Variants in MBD6 observed in about 807,000 individuals in gnomAD.
MBD6 encodes methyl-CpG binding domain protein 6.
MBD6 carries 22 observed loss-of-function variants against 66.8 expected under a neutral mutation model. The observed-to-expected ratio is 0.33, with a 90% CI of 0.24 to 0.47. The LOEUF (loss-of-function observed/expected upper bound fraction) is 0.47. Among genes scored for constraint, MBD6 ranks in the 20% least tolerant of loss-of-function variants. The probability of loss-of-function intolerance (pLI) is 1.00; values close to 1 mark genes in which losing one functional copy is unlikely to be tolerated. For synonymous variants in MBD6, 540 were observed against 534.6 expected (o/e 1.01, Z -0.14); for missense variants, 1,322 against 1,286.9 (o/e 1.03, Z -0.42).
rs763951115 is a variant in MBD6, at chr12:57,525,973, A to G, written c.1005A>G (p.Leu335=). 1.9e-6 allele frequency: 3 copies of G among 1,594,308 alleles called. No homozygotes were observed. Among genetic ancestry groups the G allele is most frequent in the African/African-American group, 1.5e-5 (1 of 68,438 alleles). ...CGGCCAAGGCACAGCATCCCCCACTACCCCCTCCCAGCACTTTACAGGGCC... is the reference window on the plus strand; with the variant it reads ...CGGCCAAGGCACAGCATCCCCCACTGCCCCCTCCCAGCACTTTACAGGGCC... ...SAAAKAQHPP[L]PPPSTLQGRR... is the part of the protein sequence containing the mutation. Residue 335 remains leucine, a synonymous_variant, in exon 6 of 13, where the codon CTA becomes CTG. Coordinates refer to ENST00000355673, the MANE Select transcript of MBD6 (RefSeq NM_052897.4).
downstream of MBD6, chr12:57,530,914 C>T: frequency 1.3e-6 from 1 of 742,554 alleles, no homozygotes; most frequent in Admixed American, 2.4e-5. Flanking sequence ...GTTTATAGCA[C>T]CAATTTTCAA....
chr12:57,528,784 G>C, intron 11 of MBD6, 66 bp downstream of exon 11: 3 of 1,607,290 alleles, frequency 1.9e-6, no homozygotes, highest in Non-Finnish European at 2.6e-6. Flanking sequence ...CAGTTCTAAT[G>C]TCCAAATAGT....
upstream of MBD6, chr12:57,520,753 T>A: frequency 7.3e-6 from 1 of 136,516 alleles, no homozygotes; most frequent in Non-Finnish European, 1.5e-5. Flanking sequence ...GGTGGGTGAG[T>A]CATGCGCGCG....
chr12:57,530,675 G>T (rs774665454), downstream of MBD6: 1 of 1,610,570 alleles, frequency 6.2e-7, no homozygotes, highest in Non-Finnish European at 8.5e-7. Context: ...CTGTTCTCCA[G>T]CTCCCAAATG....
rs1565671545 is a variant in MBD6 at position 57,529,049 on chromosome 12, G to GC, written c.2937+40_2937+41insC. ...GGGTGGATGGGTGGATGGGTAGGGT[G>GC]TAAGGGATGAGGCGGCAGGAGGAAA... On this transcript the variant is annotated intron_variant, in intron 12 of 12. Coordinates refer to ENST00000355673, the MANE Select transcript of MBD6 (RefSeq NM_052897.4). The GC allele has an allele frequency of 3.7e-6, 6 of 1,613,766 alleles. No homozygotes were observed. The Admixed American group carries it at 1.0e-4, about 27-fold the overall frequency.
rs1879023684 is a variant in MBD6, at chr12:57,526,962, C to T, written c.1817C>T (p.Pro606Leu). Reference protein sequence around the residue: ...SLLVASLLPPPPSDLLPPPSA... With the variant: ...SLLVASLLPPLPSDLLPPPSA... Reference sequence around the variant, plus strand: ...TTGGTGGCTTCCTTGCTTCCTCCACCACCCTCAGACCTTCTTCCACCTCCT... The same window carrying T: ...TTGGTGGCTTCCTTGCTTCCTCCACTACCCTCAGACCTTCTTCCACCTCCT... Residue 606 changes from proline to leucine, a missense_variant, in exon 7 of 13, where the codon CCA becomes CTA. By Grantham distance (98) the Pro-to-Leu change is moderately conservative (BLOSUM62 -3). Transcript: ENST00000355673. 4 of 1,613,720 alleles carry T rather than the reference C, an allele frequency of 2.5e-6. No homozygotes were observed. Among genetic ancestry groups the T allele is most frequent in the African/African-American group, 1.3e-5 (1 of 74,900 alleles).
Position 57,527,813 on chromosome 12 carries a change from C to T in MBD6, c.2237-35C>T, listed in dbSNP as rs377169068. ...GGTCTGCTCAGCCTAATTGGTTTGC[C>T]TAGGGAGAGACCCCTGACTATAATT... On this transcript the variant is annotated intron_variant, in intron 8 of 12. Transcript: ENST00000355673. 1.1e-5 allele frequency: 18 copies of T among 1,607,880 alleles called. No homozygotes were observed. In the African/African-American group the frequency reaches 1.7e-4, roughly 16 times the overall value.
At chr12:57,530,170 T>G (rs1879512070), downstream of MBD6, 1 of 152,560 alleles carries the variant, frequency 6.6e-6, no homozygotes, top group Non-Finnish European at 1.5e-5. Context: ...GTACTCATTT[T>G]TTATTTAGTT....
At chr12:57,521,322 G>C (rs989364113), upstream of MBD6, 6 of 152,386 alleles carry the variant, frequency 3.9e-5, no homozygotes, top group African/African-American at 1.4e-4. Flanking sequence ...AATTAGCCGG[G>C]TGTGGTGATG....
At chr12:57,523,817 C>T (rs952894126) in intron 1 of MBD6, among the ~76,000 whole-genome samples, 7 of 152,172 alleles carry the variant, frequency 4.6e-5, no homozygotes, top group Admixed American at 2.0e-4. Context: ...GCTAGACTTT[C>T]TTGGTCCCAG....
rs747931343 is a variant in MBD6 at position 57,528,296 on chromosome 12, G to C, written c.2556G>C (p.Arg852Ser). Residue 852 changes from arginine to serine, a missense_variant, in exon 10 of 13, where the codon AGG (arginine) becomes AGC (serine). Coordinates refer to ENST00000355673, the MANE Select transcript of MBD6 (RefSeq NM_052897.4). ...CAGTCCCTGAGCTGCTCACTGGGAGGGGGTCAGGGAAACGGGGCCGGAGGG... is the reference window on the plus strand; with the variant it reads ...CAGTCCCTGAGCTGCTCACTGGGAGCGGGTCAGGGAAACGGGGCCGGAGGG... The part of the protein sequence containing the change: ...DPPVPELLTG[R>S]GSGKRGRRGG... The C allele has an allele frequency of 6.9e-5, 111 of 1,606,154 alleles. No homozygotes were observed. The highest frequency in any genetic ancestry group is 9.4e-5 in the Non-Finnish European group (110 of 1,175,916).
chr12:57,527,084 G>A lies in MBD6; in HGVS notation c.1939G>A (p.Gly647Ser), dbSNP rs1879035919. 1.9e-6 allele frequency: 3 copies of A among 1,598,772 alleles called. No individual in the cohort carries two copies. Among genetic ancestry groups the A allele is most frequent in the Admixed American group, 1.7e-5 (1 of 58,520 alleles). The change falls in exon 7 of 13, where the codon GGT (glycine) becomes AGT (serine). Residue 647 changes from glycine (G) to serine (S), a missense_variant. Transcript: ENST00000355673. ...GGAGGGATCTGCAGAGGGAGCCGGGGGTCCAAGTGGGGAGCCATTTTCAGG... is the reference window on the plus strand; with the variant it reads ...GGAGGGATCTGCAGAGGGAGCCGGGAGTCCAAGTGGGGAGCCATTTTCAGG... ...DGEGSAEGAGGPSGEPFSGLG... is the reference protein window; with the variant it reads ...DGEGSAEGAGSPSGEPFSGLG...
At chr12:57,522,749 T>G (rs879421414), upstream of MBD6, 1,328 of 66,040 alleles carry the variant, frequency 0.02, 7 homozygotes, top group Middle Eastern at 0.065. Flanking sequence ...CGGCGGCGGC[T>G]GCGGCAGCGA....
chr12:57,528,591 A>G (rs1377757066), intron 10 of MBD6, 31 bp downstream of exon 10: 1 of 1,612,072 alleles, frequency 6.2e-7, no homozygotes, highest in Non-Finnish European at 8.5e-7. Flanking sequence ...GTCTGGGCTC[A>G]GGGGCTCTGA....
rs1350105557 is a variant in MBD6 at position 57,524,334 on chromosome 12, G to T, written c.31G>T (p.Asp11Tyr). 6.3e-7 allele frequency: 1 copy of T among 1,584,776 alleles called. No homozygotes were observed. The highest frequency in any genetic ancestry group is 1.9e-5 in the Admixed American group (1 of 52,884). The change falls in exon 3 of 13, where the codon GAC (aspartate) becomes TAC (tyrosine). Residue 11 changes from aspartate to tyrosine, a missense_variant. Physicochemically the swap from Asp to Tyr is radical, Grantham distance 160. Coordinates refer to ENST00000355673, the MANE Select transcript of MBD6 (RefSeq NM_052897.4). MNGGNESSGA[D>Y]RAGGPVATSV... ...TGGGGGCAATGAGAGCAGTGGAGCA[G>T]ACAGAGCTGGGGGCCCTGTGGCCAC... is the stretch of plus-strand genomic sequence containing the variant.
upstream of MBD6, chr12:57,522,768 G>GCGGCGGCGGCGC (rs1238931452): frequency 2.5e-5 from 4 of 158,282 alleles, no homozygotes; most frequent in African/African-American, 4.9e-5. Flanking sequence ...GACGGCGGCG[G>GCGGCGGCGGCGC]CGGCAGCGGC....
At chr12:57,528,817 A>AT in intron 11 of MBD6, 99 bp downstream of exon 11, 1 of 1,597,600 alleles carries the variant, frequency 6.3e-7, no homozygotes, top group African/African-American at 1.3e-5. Flanking sequence ...AAAAGGGCAG[A>AT]TTCTTATTTG....
chr12:57,521,884 G>T (rs1878366712), upstream of MBD6: 1 of 152,184 alleles, frequency 6.6e-6, no homozygotes, highest in African/African-American at 2.4e-5. Flanking sequence ...GGAGACCGGA[G>T]CCGCGATTTT....
In MBD6 at chr12:57,526,283, C is replaced by T; in HGVS notation, c.1315C>T (p.Leu439Phe). 1 of 1,613,976 alleles carries T rather than the reference C, an allele frequency of 6.2e-7. No individual in the cohort carries two copies. The highest frequency in any genetic ancestry group is 8.5e-7 in the Non-Finnish European group (1 of 1,179,996). ...TAACCTTTTGGGGTCAGATGCACAC[C>T]TTCCTCCTCCCCCAACCCTCTCCTC... Reference protein sequence around the residue: ...SFNLLGSDAHLPPPPTLSSGS... With the variant: ...SFNLLGSDAHFPPPPTLSSGS... Residue 439 changes from leucine (L) to phenylalanine (F), a missense_variant, in exon 6 of 13, where the codon CTT becomes TTT. Leu to Phe is a conservative substitution (Grantham distance 22). Transcript: ENST00000355673.
Sources: allele counts gnomAD v4.1 joint callset (sites outside exome capture counted in the v4.1 genomes callset), GRCh38; gene constraint gnomAD v4.1.1; transcripts MANE v1.5; gene names NCBI Gene and HGNC (gene_info 2026-07-23, HGNC 2026-07-21).